LINGO1: variants seen among roughly 807,000 people sequenced by gnomAD.
LINGO1 encodes the protein leucine-rich repeat and immunoglobulin-like domain-containing nogo receptor-interacting protein 1.
In LINGO1, 11 loss-of-function variants were observed where a neutral mutation model predicts 37.3. The ratio of observed to expected loss-of-function variants is 0.29; its 90% confidence interval spans 0.19 to 0.49. The LOEUF (loss-of-function observed/expected upper bound fraction) is 0.49. Ranked by LOEUF, LINGO1 falls within the 20% of genes least tolerant of loss-of-function variation. The pLI is 0.99. For missense variants in LINGO1, 585 were observed against 878.2 expected (o/e 0.67, Z 4.22); for synonymous variants, 387 against 403.0 (o/e 0.96, Z 0.48).
At chr15:77,757,810 G>T (rs982166325) in intron 1 of LINGO1, among the ~76,000 whole-genome samples, 4 of 152,196 alleles carry the variant, frequency 2.6e-5, no homozygotes, top group Non-Finnish European at 4.4e-5. Context: ...CAGAACAGGG[G>T]CTCAGTCCCC....
chr15:77,710,797 C>T (rs1016515326), intron 2 of LINGO1, among the ~76,000 whole-genome samples: 2 of 152,264 alleles, frequency 1.3e-5, no homozygotes, highest in African/African-American at 4.8e-5. Flanking sequence ...AGCAAGCTGG[C>T]CAACCGTGCC....
upstream of LINGO1, among the ~76,000 whole-genome samples, chr15:77,701,169 G>C (rs2075777776): frequency 1.3e-5 from 2 of 152,216 alleles, no homozygotes; most frequent in Admixed American, 6.5e-5. Context: ...GGTTCTAAAG[G>C]ACAAGGAGAT....
intron 2 of LINGO1, among the ~76,000 whole-genome samples, chr15:77,725,588 A>C (rs1339987742): frequency 1.3e-5 from 2 of 152,136 alleles, no homozygotes; most frequent in African/African-American, 4.8e-5. Context: ...ATAAATAATC[A>C]ATGATCTTGT....
intron 2 of LINGO1, among the ~76,000 whole-genome samples, chr15:77,728,447 G>C (rs2076124180): frequency 6.6e-6 from 1 of 152,128 alleles, no homozygotes; most frequent in Admixed American, 6.5e-5. Flanking sequence ...CACACACAGG[G>C]GCCACACCTG....
At chr15:77,642,649 C>A (rs891860492) in intron 3 of LINGO1, among the ~76,000 whole-genome samples, 2 of 152,146 alleles carry the variant, frequency 1.3e-5, no homozygotes, top group African/African-American at 2.4e-5. Context: ...CCCTTCAGAG[C>A]CCCCATAGTC....
At chr15:77,796,233 C>T (rs2076871933) in intron 1 of LINGO1, among the ~76,000 whole-genome samples, 1 of 152,238 alleles carries the variant, frequency 6.6e-6, no homozygotes, top group Admixed American at 6.5e-5. Context: ...CACATGTACT[C>T]TCATTCACTG....
chr15:77,718,093 G>A (rs2076006715), intron 2 of LINGO1, among the ~76,000 whole-genome samples: 1 of 150,758 alleles, frequency 6.6e-6, no homozygotes, highest in African/African-American at 2.4e-5. Context: ...TCCCCCATGG[G>A]AGCAGGGCTC....
At chr15:77,747,653 G>T (rs1440487499) in intron 1 of LINGO1, among the ~76,000 whole-genome samples, 2 of 152,200 alleles carry the variant, frequency 1.3e-5, no homozygotes, top group African/African-American at 4.8e-5. Flanking sequence ...TGAGCCCTGG[G>T]GGAGGGGAGT....
At chr15:77,697,190 A>C (rs112738230), upstream of LINGO1, among the ~76,000 whole-genome samples, 384 of 152,312 alleles carry the variant, frequency 2.5e-3, 3 homozygotes, top group African/African-American at 8.4e-3. Flanking sequence ...AGCTCAGGCC[A>C]GGAAAGGTCT....
intron 3 of LINGO1, among the ~76,000 whole-genome samples, chr15:77,662,977 G>A (rs1028813836): frequency 6.6e-6 from 1 of 152,210 alleles, no homozygotes; most frequent in Non-Finnish European, 1.5e-5. Context: ...CACCACACTC[G>A]AAAGGCAGGA....
intron 2 of LINGO1, among the ~76,000 whole-genome samples, chr15:77,715,146 T>C (rs2075968333): frequency 6.6e-6 from 1 of 152,164 alleles, no homozygotes; most frequent in South Asian, 2.1e-4. Flanking sequence ...GATGTGGCAA[T>C]GCGACACTTC....
chr15:77,802,734 G>A (rs1432652929), intron 1 of LINGO1, among the ~76,000 whole-genome samples: 2 of 152,054 alleles, frequency 1.3e-5, no homozygotes, highest in Admixed American at 6.5e-5. Flanking sequence ...GGTCTGAGCC[G>A]CAACTAACAC....
At chr15:77,710,306 T>C (rs1427815758) in intron 2 of LINGO1, among the ~76,000 whole-genome samples, 1 of 152,168 alleles carries the variant, frequency 6.6e-6, no homozygotes, top group Admixed American at 6.5e-5. Context: ...GCGGCCCAGC[T>C]CTAAATGCTG....
At chr15:77,721,313 T>C (rs1057497074) in intron 2 of LINGO1, among the ~76,000 whole-genome samples, 8 of 152,120 alleles carry the variant, frequency 5.3e-5, no homozygotes, top group African/African-American at 1.9e-4. Flanking sequence ...GGCCTTGGTA[T>C]GTGCTCTTCC....
At chr15:77,635,292 C>T (rs757522477), upstream of LINGO1, among the ~76,000 whole-genome samples, 5 of 152,254 alleles carry the variant, frequency 3.3e-5, no homozygotes, top group South Asian at 2.1e-4. Context: ...ATGGAAACGA[C>T]GGGGAGCTTT....
At chr15:77,621,060 T>TG (rs1222895076) in intron 1 of LINGO1, among the ~76,000 whole-genome samples, 1 of 150,968 alleles carries the variant, frequency 6.6e-6, no homozygotes, top group East Asian at 1.9e-4. Flanking sequence ...TTTGGGGCCT[T>TG]TTTTTTTTCT....
At chr15:77,680,852 A>G (rs1399535191) in intron 2 of LINGO1, among the ~76,000 whole-genome samples, 2 of 152,198 alleles carry the variant, frequency 1.3e-5, no homozygotes, top group Admixed American at 6.5e-5. Context: ...TTGCTGGTTT[A>G]TATTTTGAAC....
intron 2 of LINGO1, among the ~76,000 whole-genome samples, chr15:77,725,235 G>C (rs939394003): frequency 3.3e-5 from 5 of 152,190 alleles, no homozygotes; most frequent in Admixed American, 6.5e-5. Flanking sequence ...TTTCCCATCG[G>C]TACTTATTCT....
chr15:77,760,115 C>A (rs1314839535), intron 1 of LINGO1, among the ~76,000 whole-genome samples: 1 of 152,232 alleles, frequency 6.6e-6, no homozygotes, highest in Non-Finnish European at 1.5e-5. Context: ...TGCCTGTTTC[C>A]CTGCAGCAGC....
Sources: gnomAD v4.1 joint callset for allele counts (sites outside exome capture counted in the v4.1 genomes callset) on GRCh38, gnomAD v4.1.1 for gene constraint, MANE v1.5 for transcripts, NCBI Gene and HGNC (gene_info 2026-07-23, HGNC 2026-07-21) for gene names.